SGCZ: variants seen among roughly 807,000 people sequenced by gnomAD.
SGCZ encodes sarcoglycan zeta.
A neutral mutation model predicts 41.3 loss-of-function variants in SGCZ; 40 were observed. The observed-to-expected ratio is 0.97, with a 90% CI of 0.75 to 1.26. SGCZ has a LOEUF of 1.26. Ranked by LOEUF, SGCZ falls within the 50% of genes most tolerant of loss-of-function variation. The pLI is 0.00. For missense variants in SGCZ, 552 were observed against 369.8 expected (o/e 1.49, Z -4.04); for synonymous variants, 206 against 137.5 (o/e 1.50, Z -3.49).
intron 2 of SGCZ, among the ~76,000 whole-genome samples, chr8:14,482,705 T>G (rs1250384050): frequency 1.3e-5 from 2 of 151,838 alleles, no homozygotes; most frequent in Non-Finnish European, 2.9e-5. Flanking sequence ...CCAATGAGGG[T>G]GGGGATCATA....
chr8:14,961,931 T>C (rs569414659), intron 1 of SGCZ, among the ~76,000 whole-genome samples: 1 of 152,334 alleles, frequency 6.6e-6, no homozygotes, highest in Non-Finnish European at 1.5e-5. Context: ...TAATTTACTG[T>C]GGCTTCTGAA....
chr8:14,349,718 T>C (rs1433599489), intron 2 of SGCZ, among the ~76,000 whole-genome samples: 1 of 152,150 alleles, frequency 6.6e-6, no homozygotes, highest in African/African-American at 2.4e-5. Context: ...TAAACTGCTG[T>C]GTTAAATCTT....
In SGCZ at chr8:14,123,335, T is replaced by A. The variant is rs1420742710; in HGVS notation, c.548-15100A>T. On this transcript the variant is annotated intron_variant, in intron 5 of 7. Transcript: ENST00000382080. ...ACAGTTGTAAACTTAAAAGAAGCCA[T>A]GCAATGAAACATAAATTATTTGCCA... 2.0e-5 allele frequency among the ~76,000 whole-genome samples: 3 copies of A among 151,196 alleles called. No homozygotes were observed. The East Asian group carries it at 5.8e-4, about 29-fold the overall frequency.
chr8:14,136,557 C>G (rs1803205166), intron 5 of SGCZ, among the ~76,000 whole-genome samples: 2 of 152,204 alleles, frequency 1.3e-5, no homozygotes, highest in African/African-American at 4.8e-5. Flanking sequence ...GCTAGCACAG[C>G]AGTCCCAGAT....
intron 1 of SGCZ, among the ~76,000 whole-genome samples, chr8:14,801,534 C>T (rs1333635247): frequency 6.6e-6 from 1 of 152,100 alleles, no homozygotes; most frequent in African/African-American, 2.4e-5. Context: ...TTTATTTTCA[C>T]CTTGTTTACT....
intron 1 of SGCZ, among the ~76,000 whole-genome samples, chr8:14,978,370 C>G (rs762277308): frequency 2.1e-5 from 3 of 146,128 alleles, no homozygotes; most frequent in African/African-American, 5.0e-5. Flanking sequence ...ACTTGGGAGG[C>G]TGAGGCAGGA....
chr8:14,196,993 T>C (rs181844387), intron 4 of SGCZ, among the ~76,000 whole-genome samples: 10 of 152,216 alleles, frequency 6.6e-5, no homozygotes, highest in Admixed American at 3.9e-4. Context: ...AATAAGTACA[T>C]TTCAAAGGTA....
intron 1 of SGCZ, among the ~76,000 whole-genome samples, chr8:14,674,339 G>A (rs1441942): frequency 0.56 from 85,104 of 151,824 alleles, 25,251 homozygotes; most frequent in East Asian, 0.76. Flanking sequence ...GAGTAAAAAT[G>A]TGTGGGAAAC....
intron 1 of SGCZ, 141 bp downstream of exon 1, chr8:15,237,444 G>T: frequency 1.0e-6 from 1 of 994,700 alleles, no homozygotes; most frequent in Non-Finnish European, 1.5e-6. Flanking sequence ...GCCTGCGCCC[G>T]GGTGCGCGTC....
chr8:14,370,092 G>C (rs950573124), intron 2 of SGCZ, among the ~76,000 whole-genome samples: 9 of 151,968 alleles, frequency 5.9e-5, no homozygotes, highest in African/African-American at 2.2e-4. Context: ...TGTGGATGTA[G>C]TGGTAAGATG....
intron 1 of SGCZ, among the ~76,000 whole-genome samples, chr8:14,982,287 C>T (rs1438289666): frequency 6.6e-6 from 1 of 152,122 alleles, no homozygotes; most frequent in East Asian, 1.9e-4. Flanking sequence ...CATTACGTGA[C>T]ATATTGCCAA....
intron 1 of SGCZ, among the ~76,000 whole-genome samples, chr8:15,215,937 T>C (rs1297676590): frequency 6.6e-6 from 1 of 152,200 alleles, no homozygotes; most frequent in African/African-American, 2.4e-5. Flanking sequence ...TTTTCCTGCA[T>C]TCTGTTTGAA....
chr8:14,886,299 T>C (rs1804802519), intron 1 of SGCZ, among the ~76,000 whole-genome samples: 1 of 151,598 alleles, frequency 6.6e-6, no homozygotes, highest in African/African-American at 2.4e-5. Context: ...CTAGCAAAAA[T>C]CCCTGCTCTC....
intron 1 of SGCZ, among the ~76,000 whole-genome samples, chr8:15,114,654 T>C (rs1249768833): frequency 6.6e-6 from 1 of 152,140 alleles, no homozygotes; most frequent in African/African-American, 2.4e-5. Flanking sequence ...GCAGAATAGT[T>C]ACTGAACCCA....
At position 14,284,978 on chromosome 8, in the gene SGCZ, A is replaced by C. The variant is rs531920276; in HGVS notation, c.336+39125T>G. Reference sequence around the variant, plus strand: ...TGGGCATTTTCTATAAAAGTCTATGAAAGGTGCCTCCAGATGATATCTTCC... The same window carrying C: ...TGGGCATTTTCTATAAAAGTCTATGCAAGGTGCCTCCAGATGATATCTTCC... On this transcript the variant is annotated intron_variant, in intron 3 of 7. Transcript: ENST00000382080. Among the ~76,000 whole-genome samples the C allele has an allele frequency of 3.9e-5, 6 of 152,228 alleles. No individual in the cohort carries two copies. In the East Asian group the frequency reaches 1.2e-3, roughly 29 times the overall value.
chr8:14,140,403 T>C (rs1490854223), intron 5 of SGCZ, among the ~76,000 whole-genome samples: 1 of 152,142 alleles, frequency 6.6e-6, no homozygotes, highest in African/African-American at 2.4e-5. Flanking sequence ...GATGACATGA[T>C]TGTATATCTA....
intron 1 of SGCZ, among the ~76,000 whole-genome samples, chr8:14,993,382 G>A (rs1305595037): frequency 1.3e-5 from 2 of 152,062 alleles, no homozygotes; most frequent in Non-Finnish European, 1.5e-5. Context: ...GGCTTGAGCA[G>A]CAAAATAAGA....
At chr8:14,462,690 G>T (rs1800935764) in intron 2 of SGCZ, among the ~76,000 whole-genome samples, 1 of 151,714 alleles carries the variant, frequency 6.6e-6, no homozygotes, top group South Asian at 2.1e-4. Flanking sequence ...AAGCTTGATT[G>T]TGCTCTTTGG....
At chr8:14,623,261 G>T (rs1329856264) in intron 1 of SGCZ, among the ~76,000 whole-genome samples, 1 of 152,138 alleles carries the variant, frequency 6.6e-6, no homozygotes, top group Non-Finnish European at 1.5e-5. Flanking sequence ...AACAAATTAA[G>T]TAGCAGGAAA....
Sources: gnomAD v4.1 joint callset for allele counts (sites outside exome capture counted in the v4.1 genomes callset) on GRCh38, gnomAD v4.1.1 for gene constraint, MANE v1.5 for transcripts, NCBI Gene and HGNC (gene_info 2026-07-23, HGNC 2026-07-21) for gene names.